Variants in ITGB8 observed in about 807,000 individuals in gnomAD.
The protein encoded by ITGB8 is integrin subunit beta 8.
In ITGB8, 30 loss-of-function variants were observed where a neutral mutation model predicts 89.5. The ratio of observed to expected loss-of-function variants is 0.34; its 90% CI spans 0.25 to 0.45. ITGB8 has a LOEUF of 0.45. Ranked by LOEUF, ITGB8 falls within the 20% of genes least tolerant of loss-of-function variation. The probability of loss-of-function intolerance (pLI) is 1.00; values close to 1 mark genes in which losing one functional copy is unlikely to be tolerated. For synonymous variants in ITGB8, 335 were observed against 320.4 expected, an observed-to-expected ratio of 1.05 and a Z score of -0.49; for missense variants, 836 against 933.3, an observed-to-expected ratio of 0.90 and a Z score of 1.36.
chr7:20,340,643 T>G (rs1008988237), intron 1 of ITGB8, among the ~76,000 whole-genome samples: 2 of 152,204 alleles, frequency 1.3e-5, no homozygotes, highest in Non-Finnish European at 2.9e-5. Context: ...CAGGGATCTT[T>G]CCTTGGAATT....
At chr7:20,348,462 T>C (rs1785000976) in intron 1 of ITGB8, among the ~76,000 whole-genome samples, 1 of 152,252 alleles carries the variant, frequency 6.6e-6, no homozygotes, top group African/African-American at 2.4e-5. Context: ...CTCTGGCTCC[T>C]CTTGAATTTG....
chr7:20,362,243 A>T (rs968895120), intron 1 of ITGB8, among the ~76,000 whole-genome samples: 1 of 152,186 alleles, frequency 6.6e-6, no homozygotes, highest in African/African-American at 2.4e-5. Context: ...GAGAGAAAGA[A>T]AAAAAGAGAA....
rs1218527045 is a variant in ITGB8, at chr7:20,379,091, G to T, written c.429G>T (p.Lys143Asn). ...ANFMLKVHPL[K>N]KYPVDLYYLV... ...TTATGCTGAAAGTTCATCCTCTGAA[G>T]AAATATCCTGTGGATCTTTATTATC... is the stretch of plus-strand genomic sequence containing the variant. The change falls in exon 4 of 14, where the codon AAG becomes AAT. Residue 143 changes from lysine (K) to asparagine (N), a missense_variant. Lys to Asn is a moderately conservative substitution (Grantham distance 94, BLOSUM62 0). Around this residue, in one of 5 missense-constraint regions of ITGB8, gnomAD observed 182 missense variants for 177.0 expected, o/e 1.03. Transcript: ENST00000222573. 2.5e-6 allele frequency: 4 copies of T among 1,599,438 alleles called. No homozygotes were observed. The highest frequency in any genetic ancestry group is 2.7e-5 in the African/African-American group (2 of 74,210).
At chr7:20,381,620 A>C in intron 5 of ITGB8, 107 bp from the exon 6 acceptor site, 2 of 794,484 alleles carry the variant, frequency 2.5e-6, no homozygotes, top group Admixed American at 2.4e-5. Flanking sequence ...ACATCGTTCT[A>C]GCCTGACTTA....
chr7:20,351,996 C>T (rs1012517665), intron 1 of ITGB8, among the ~76,000 whole-genome samples: 1 of 152,142 alleles, frequency 6.6e-6, no homozygotes, highest in African/African-American at 2.4e-5. Flanking sequence ...TTTAGAGGAA[C>T]AGACTGGGAA....
At chr7:20,342,385 A>G (rs1784789374) in intron 1 of ITGB8, among the ~76,000 whole-genome samples, 1 of 152,178 alleles carries the variant, frequency 6.6e-6, no homozygotes, top group Admixed American at 6.5e-5. Context: ...TTACACATGA[A>G]TTTCCTAAGG....
At chr7:20,386,837 A>G (rs1786647616) in intron 6 of ITGB8, among the ~76,000 whole-genome samples, 1 of 152,176 alleles carries the variant, frequency 6.6e-6, no homozygotes, top group African/African-American at 2.4e-5. Context: ...TTCTCATTAA[A>G]TTAGATGTTG....
chr7:20,332,862 T>TAA (rs1190310305), intron 1 of ITGB8, among the ~76,000 whole-genome samples: 3 of 152,186 alleles, frequency 2.0e-5, no homozygotes, highest in African/African-American at 7.2e-5. Flanking sequence ...GATGAGTTCT[T>TAA]AATGGTTTTC....
chr7:20,371,511 A>G (rs1388976463), intron 3 of ITGB8, among the ~76,000 whole-genome samples: 1 of 152,162 alleles, frequency 6.6e-6, no homozygotes, highest in Non-Finnish European at 1.5e-5. Context: ...CTAGAATGTA[A>G]ACTGTTTAGG....
chr7:20,389,819 C>A (rs911762565), intron 6 of ITGB8, among the ~76,000 whole-genome samples: 14 of 137,878 alleles, frequency 1.0e-4, no homozygotes, highest in Admixed American at 7.8e-4. Flanking sequence ...ATTTAGCTGG[C>A]AGAATTTGTG....
intron 1 of ITGB8, among the ~76,000 whole-genome samples, chr7:20,354,761 A>G (rs867178885): frequency 2.8e-4 from 43 of 152,346 alleles, no homozygotes; most frequent in African/African-American, 9.6e-4. Context: ...GAAAACTTTC[A>G]CAGAAGCCCC....
At chr7:20,364,339 A>G (rs768933785) in intron 2 of ITGB8, among the ~76,000 whole-genome samples, 1 of 152,196 alleles carries the variant, frequency 6.6e-6, no homozygotes, top group Non-Finnish European at 1.5e-5. Flanking sequence ...TGGGAATTGG[A>G]ACAAACAAAC....
intron 1 of ITGB8, among the ~76,000 whole-genome samples, chr7:20,360,036 A>T (rs1202741100): frequency 6.6e-6 from 1 of 152,188 alleles, no homozygotes; most frequent in Non-Finnish European, 1.5e-5. Context: ...AACCTGAGAA[A>T]TGTAAGCCCT....
chr7:20,349,775 AAG>A (rs1266625542), intron 1 of ITGB8, among the ~76,000 whole-genome samples: 1 of 152,220 alleles, frequency 6.6e-6, no homozygotes, highest in Non-Finnish European at 1.5e-5. Flanking sequence ...ACTGGCGGGA[AAG>A]AAATATATTC....
intron 1 of ITGB8, among the ~76,000 whole-genome samples, chr7:20,353,897 A>C (rs60537456): frequency 0.036 from 4,351 of 122,130 alleles, 345 homozygotes; most frequent in African/African-American, 0.13. Flanking sequence ...GCGCCACTGC[A>C]CTCCAGCCTG....
rs916021759 is a variant in ITGB8 at position 20,410,317 on chromosome 7, T to C, written c.*320T>C. 2 of 256,700 alleles carry C rather than the reference T, an allele frequency of 7.8e-6. No homozygotes were observed. The highest frequency in any genetic ancestry group is 4.6e-5 in the African/African-American group (2 of 43,360). 15.9% of individuals were successfully genotyped at this position (256,700 alleles called of 1,614,324 possible). ...GATTACACTTTACAGGTACCTGTTATCCCTACGCTTCCCAGAGAGAACAAT... is the reference window on the plus strand; with the variant it reads ...GATTACACTTTACAGGTACCTGTTACCCCTACGCTTCCCAGAGAGAACAAT... On this transcript the variant is annotated 3_prime_UTR_variant, in exon 14 of 14. Transcript: ENST00000222573.
intron 5 of ITGB8, chr7:20,381,194 G>C (rs941025246): frequency 6.1e-6 from 1 of 163,452 alleles, no homozygotes; most frequent in Admixed American, 6.3e-5. Flanking sequence ...ACGGAGTCTC[G>C]CTCTGTCGCC....
In ITGB8 at chr7:20,381,777, A is replaced by C; in HGVS notation, c.852A>C (p.Thr284=). 1 of 1,613,928 alleles carries C rather than the reference A, an allele frequency of 6.2e-7. No homozygotes were observed. Among genetic ancestry groups the C allele is most frequent in the South Asian group, 1.1e-5 (1 of 91,060 alleles). The change falls in exon 6 of 14, where the codon ACA becomes ACC. Residue 284 remains threonine (T), a synonymous_variant. Coordinates refer to ENST00000222573, the MANE Select transcript of ITGB8 (RefSeq NM_002214.3). ...CTAAAAGATTGCTGCTGGTGATGAC[A>C]GATCAGACGTCTCATCTCGCTCTTG... ...KEAKRLLLVM[T]DQTSHLALDS...
intron 1 of ITGB8, among the ~76,000 whole-genome samples, chr7:20,336,128 A>C (rs970359536): frequency 6.8e-6 from 1 of 146,348 alleles, no homozygotes; most frequent in Non-Finnish European, 1.5e-5. Flanking sequence ...GCCTCAGCCT[A>C]CTGAGTAGCT....
Sources: allele counts gnomAD v4.1 joint callset (sites outside exome capture counted in the v4.1 genomes callset), GRCh38; gene constraint gnomAD v4.1.1; regional missense constraint gnomAD v4.1.1; transcripts MANE v1.5; gene names NCBI Gene and HGNC (gene_info 2026-07-23, HGNC 2026-07-21).